RERE: variants seen among roughly 807,000 people sequenced by gnomAD.
RERE encodes arginine-glutamic acid dipeptide repeats protein.
A neutral mutation model predicts 146.1 loss-of-function variants in RERE; 40 were observed. The ratio of observed to expected loss-of-function variants is 0.27; its 90% CI spans 0.21 to 0.36. RERE has a LOEUF of 0.36. Among genes scored for constraint, RERE ranks in the 10% least tolerant of loss-of-function variants. RERE has a pLI of 1.00. For synonymous variants in RERE, 1,003 were observed against 866.0 expected (o/e 1.16, Z -2.78); for missense variants, 1,933 against 2,138.7 (o/e 0.90, Z 1.90).
chr1:8,790,565 A>G (rs1310463549), intron 1 of RERE, among the ~76,000 whole-genome samples: 1 of 152,212 alleles, frequency 6.6e-6, no homozygotes, highest in African/African-American at 2.4e-5. Flanking sequence ...GAAATAAACT[A>G]AGCCATTTTC....
At chr1:8,782,734 T>C (rs1040775991) in intron 1 of RERE, among the ~76,000 whole-genome samples, 19 of 143,290 alleles carry the variant, frequency 1.3e-4, no homozygotes, top group Non-Finnish European at 2.3e-4. Flanking sequence ...GGTGAAATCC[T>C]GTCTCTACTA....
At chr1:8,664,486 G>A (rs893663431) in intron 1 of RERE, among the ~76,000 whole-genome samples, 8 of 152,198 alleles carry the variant, frequency 5.3e-5, no homozygotes, top group African/African-American at 1.9e-4. Flanking sequence ...TCAGACACAT[G>A]TGAAAACTGT....
intron 12 of RERE, among the ~76,000 whole-genome samples, chr1:8,402,362 G>A (rs761166152): frequency 1.3e-5 from 2 of 152,168 alleles, no homozygotes; most frequent in Non-Finnish European, 2.9e-5. Flanking sequence ...AGCTGTTTAT[G>A]TCACACACAG....
intron 7 of RERE, among the ~76,000 whole-genome samples, chr1:8,521,476 C>T (rs922235298): frequency 6.6e-6 from 1 of 151,938 alleles, no homozygotes; most frequent in African/African-American, 2.4e-5. Context: ...ACCTGCATGC[C>T]TATTTTTTTT....
intron 1 of RERE, among the ~76,000 whole-genome samples, chr1:8,785,430 T>C (rs1455050381): frequency 6.6e-6 from 1 of 152,228 alleles, no homozygotes; most frequent in Non-Finnish European, 1.5e-5. Flanking sequence ...TCAATGACCA[T>C]TACAGAGGAA....
chr1:8,501,680 G>A (rs1645160571), intron 8 of RERE, among the ~76,000 whole-genome samples: 3 of 122,020 alleles, frequency 2.5e-5, no homozygotes, highest in Non-Finnish European at 3.5e-5. Flanking sequence ...TCAGCCCCCC[G>A]CCCGGCCAGC....
chr1:8,670,768 T>C (rs973729517), intron 1 of RERE, among the ~76,000 whole-genome samples: 8 of 152,012 alleles, frequency 5.3e-5, no homozygotes, highest in African/African-American at 9.7e-5. Context: ...GCAAGAAGAA[T>C]TGGAGATGGA....
intron 10 of RERE, among the ~76,000 whole-genome samples, chr1:8,488,303 T>C (rs1450260398): frequency 1.3e-5 from 2 of 152,154 alleles, no homozygotes; most frequent in East Asian, 1.9e-4. Flanking sequence ...TAGAATGCAA[T>C]GGCACGGTTT....
At chr1:8,662,045 T>C (rs1441960943) in intron 1 of RERE, among the ~76,000 whole-genome samples, 1 of 152,206 alleles carries the variant, frequency 6.6e-6, no homozygotes, top group African/African-American at 2.4e-5. Context: ...ATTAGAAGAT[T>C]ATACATCATC....
In RERE at chr1:8,423,681, C is replaced by A. The variant is rs1045834678; in HGVS notation, c.1204-874G>T. On this transcript the variant is annotated intron_variant, in intron 11 of 22. Transcript: ENST00000400908. This position sits in a 1 kb window ranked among gnomAD's most constrained non-coding sequence, Gnocchi z 5.4. ...GGCTCCGGCTCCACAAAGCGCAGGG[C>A]GGAGGCGGCCGCGGGTGGCTCGGCG... is the stretch of plus-strand genomic sequence containing the variant. 10 of 983,374 alleles carry A rather than the reference C, an allele frequency of 1.0e-5. No individual in the cohort carries two copies. In the East Asian group the frequency reaches 3.4e-4, roughly 34 times the overall value. 60.9% of individuals were successfully genotyped at this position (983,374 alleles called of 1,614,324 possible).
chr1:8,600,352 T>C (rs948975516), intron 4 of RERE, among the ~76,000 whole-genome samples: 3 of 152,218 alleles, frequency 2.0e-5, no homozygotes, highest in Middle Eastern at 3.2e-3. Context: ...TATCTATCAA[T>C]TACCATTTGC....
intron 1 of RERE, among the ~76,000 whole-genome samples, chr1:8,689,282 A>G (rs897229974): frequency 1.3e-5 from 2 of 152,168 alleles, no homozygotes; most frequent in African/African-American, 4.8e-5. Context: ...TTAGTTGACT[A>G]AAGTTTATAG....
rs1324198951 is a variant in RERE at position 8,359,820 on chromosome 1, TCTC to T, written c.3559_3561del (p.Glu1187del). On this transcript the variant is annotated inframe_deletion, in exon 19 of 23. Transcript: ENST00000400908. ...CGCTCCCGCTCCCGCTCCTTCTCCT[TCTC>T]CTTCTCCCGCTCTCGCTCCTCTCGG... The T allele has an allele frequency of 1.4e-5, 23 of 1,606,784 alleles. No individual in the cohort carries two copies. Among genetic ancestry groups the T allele is most frequent in the Non-Finnish European group, 1.6e-5 (19 of 1,179,478 alleles).
rs377112457 is a variant in RERE at position 8,774,488 on chromosome 1, G to A, written c.-145+42672C>T. 3.3e-5 allele frequency among the ~76,000 whole-genome samples: 5 copies of A among 151,490 alleles called. No homozygotes were observed. In the East Asian group the frequency reaches 5.8e-4, roughly 18 times the overall value. ...CCTGCCTCAGCCTCCCTAGTAGCTGGGATTACAGGCATGTGCCACCACGCC... is the reference window on the plus strand; with the variant it reads ...CCTGCCTCAGCCTCCCTAGTAGCTGAGATTACAGGCATGTGCCACCACGCC... On this transcript the variant is annotated intron_variant, in intron 1 of 22. Coordinates refer to ENST00000400908, the MANE Select transcript of RERE (RefSeq NM_001042681.2).
intron 2 of RERE, among the ~76,000 whole-genome samples, chr1:8,641,285 A>G (rs1294563420): frequency 6.6e-6 from 1 of 152,220 alleles, no homozygotes; most frequent in African/African-American, 2.4e-5. Context: ...TACAAAACTG[A>G]TAGAGTATAA....
At chr1:8,797,431 ATTG>A (rs1383192940) in intron 1 of RERE, among the ~76,000 whole-genome samples, 1 of 151,970 alleles carries the variant, frequency 6.6e-6, no homozygotes, top group Non-Finnish European at 1.5e-5. Flanking sequence ...CCAGATCATT[ATTG>A]TTCTTAAGGT....
chr1:8,501,202 G>A (rs1407492526), intron 8 of RERE, among the ~76,000 whole-genome samples: 7 of 148,278 alleles, frequency 4.7e-5, no homozygotes, highest in Admixed American at 1.3e-4. Flanking sequence ...GTCCGGGAGG[G>A]AGGTGGGGGG....
chr1:8,797,852 T>C (rs1641507587), intron 1 of RERE, among the ~76,000 whole-genome samples: 1 of 152,242 alleles, frequency 6.6e-6, no homozygotes, highest in African/African-American at 2.4e-5. Context: ...AGTTGTACTT[T>C]CTCATTTCAA....
intron 16 of RERE, 26 bp downstream of exon 16, chr1:8,362,657 G>A (rs1353412872): frequency 6.2e-7 from 1 of 1,613,366 alleles, no homozygotes; most frequent in Non-Finnish European, 8.5e-7. Flanking sequence ...GACAGAGTAG[G>A]CCCTACTATC....
Sources: allele counts gnomAD v4.1 joint callset (sites outside exome capture counted in the v4.1 genomes callset), GRCh38; gene constraint gnomAD v4.1.1; non-coding constraint Gnocchi (gnomAD v3.1); transcripts MANE v1.5; gene names NCBI Gene and HGNC (gene_info 2026-07-23, HGNC 2026-07-21).